STX8: variants seen among roughly 807,000 people sequenced by gnomAD.
The protein encoded by STX8 is syntaxin 8, also known as syntaxin-8.
STX8 carries 23 observed loss-of-function variants against 37.5 expected under a neutral mutation model. The ratio of observed to expected loss-of-function variants is 0.61; its 90% CI spans 0.44 to 0.87. The LOEUF (loss-of-function observed/expected upper bound fraction) is 0.87, where lower values mean the gene tolerates loss of function less well. Among genes scored for constraint, STX8 ranks in the 40% least tolerant of loss-of-function variants. The probability of loss-of-function intolerance (pLI) is 0.00; values close to 1 mark genes in which losing one functional copy is unlikely to be tolerated. For synonymous variants in STX8, 115 were observed against 99.1 expected (o/e 1.16, Z -0.95); for missense variants, 313 against 284.7 (o/e 1.10, Z -0.71).
intron 6 of STX8, among the ~76,000 whole-genome samples, chr17:9,465,424 A>G (rs965853626): frequency 2.0e-5 from 3 of 152,196 alleles, no homozygotes; most frequent in Non-Finnish European, 2.9e-5. Flanking sequence ...CATATGGAGC[A>G]ATCTCAGGAA....
intron 2 of STX8, among the ~76,000 whole-genome samples, chr17:9,557,754 G>C (rs1290760687): frequency 6.6e-6 from 1 of 152,152 alleles, no homozygotes; most frequent in Non-Finnish European, 1.5e-5. Context: ...TGGCCAAGTG[G>C]TGAGCCAAGC....
intron 7 of STX8, among the ~76,000 whole-genome samples, chr17:9,262,344 G>T (rs1907068543): frequency 1.3e-5 from 2 of 152,100 alleles, no homozygotes; most frequent in African/African-American, 4.8e-5. Context: ...CTTCTCCAGG[G>T]ATTTTGGATT....
intron 7 of STX8, among the ~76,000 whole-genome samples, chr17:9,293,004 T>C: frequency 6.6e-6 from 1 of 152,090 alleles, no homozygotes; most frequent in South Asian, 2.1e-4. Flanking sequence ...GAATATCCGG[T>C]ATCATCATGG....
chr17:9,573,482 G>T (rs1440036605), intron 1 of STX8, among the ~76,000 whole-genome samples: 1 of 152,098 alleles, frequency 6.6e-6, no homozygotes, highest in Non-Finnish European at 1.5e-5. Flanking sequence ...CTCCCTTCTG[G>T]ATTGAGCCAT....
At chr17:9,497,188 AC>A (rs1442264471) in intron 5 of STX8, among the ~76,000 whole-genome samples, 2 of 152,200 alleles carry the variant, frequency 1.3e-5, no homozygotes, top group African/African-American at 4.8e-5. Flanking sequence ...TGGAAAAAGA[AC>A]CTGTATATTA....
At chr17:9,496,498 T>C (rs1462960657) in intron 5 of STX8, among the ~76,000 whole-genome samples, 1 of 152,258 alleles carries the variant, frequency 6.6e-6, no homozygotes, top group East Asian at 1.9e-4. Context: ...TACCACACTC[T>C]ATCAGTCATT....
intron 7 of STX8, among the ~76,000 whole-genome samples, chr17:9,359,528 GAC>G (rs1195922402): frequency 1.6e-5 from 2 of 126,196 alleles, no homozygotes; most frequent in African/African-American, 6.6e-5. Flanking sequence ...TTTTTTTTGG[GAC>G]AGAGTCTTGC....
chr17:9,299,376 C>T (rs1908681177), intron 7 of STX8, among the ~76,000 whole-genome samples: 1 of 151,766 alleles, frequency 6.6e-6, no homozygotes. Flanking sequence ...GTATTTCAGC[C>T]ACAAAACCTC....
rs1008711086 is a variant in STX8 at position 9,526,536 on chromosome 17, C to T, written c.323+18636G>A. Among the ~76,000 whole-genome samples the T allele has an allele frequency of 2.6e-5, 4 of 151,924 alleles. No homozygotes were observed. In the East Asian group the frequency reaches 7.7e-4, roughly 29 times the overall value. Reference sequence around the variant, plus strand: ...TTTATTTTCAACAAACAAGAACAGGCTTTTTAATTTCTTAAAAATTTTTAC... The same window carrying T: ...TTTATTTTCAACAAACAAGAACAGGTTTTTTAATTTCTTAAAAATTTTTAC... On this transcript the variant is annotated intron_variant, in intron 4 of 7. Transcript: ENST00000306357.
intron 7 of STX8, among the ~76,000 whole-genome samples, chr17:9,359,661 C>T (rs796636997): frequency 1.3e-5 from 2 of 151,894 alleles, no homozygotes; most frequent in Non-Finnish European, 2.9e-5. Context: ...GCGCCGACCA[C>T]CATGCCCGGC....
intron 7 of STX8, among the ~76,000 whole-genome samples, chr17:9,374,219 C>T (rs1324476908): frequency 6.6e-6 from 1 of 151,766 alleles, no homozygotes; most frequent in Non-Finnish European, 1.5e-5. Flanking sequence ...GCAACTGGGA[C>T]TACAGGCGTG....
At chr17:9,385,948 ATTTTTAGTAGAGACG>A (rs1392103262) in intron 6 of STX8, among the ~76,000 whole-genome samples, 1 of 152,102 alleles carries the variant, frequency 6.6e-6, no homozygotes, top group Non-Finnish European at 1.5e-5. Context: ...TAATTTTTGA[ATTTTTAGTAGAGACG>A]GGGTTTCACC....
At chr17:9,560,204 C>A (rs1907169416) in intron 2 of STX8, among the ~76,000 whole-genome samples, 1 of 150,538 alleles carries the variant, frequency 6.6e-6, no homozygotes, top group African/African-American at 2.4e-5. Context: ...TCAAAACCAG[C>A]CTGGCCAACA....
chr17:9,304,496 C>T (rs548324058), intron 7 of STX8, among the ~76,000 whole-genome samples: 1 of 102,782 alleles, frequency 9.7e-6, no homozygotes, highest in African/African-American at 3.7e-5. Context: ...GCAACAAGAG[C>T]GAAACTGTCT....
chr17:9,462,329 TGG>T (rs1433312273), intron 6 of STX8, among the ~76,000 whole-genome samples: 1 of 152,174 alleles, frequency 6.6e-6, no homozygotes, highest in Admixed American at 6.5e-5. Context: ...ACTCACTTTG[TGG>T]CTTTATAAGT....
intron 7 of STX8, among the ~76,000 whole-genome samples, chr17:9,368,665 G>A (rs1597628263): frequency 6.6e-6 from 1 of 151,634 alleles, no homozygotes; most frequent in Non-Finnish European, 1.5e-5. Flanking sequence ...TTTTCTTTCC[G>A]TCCTCCCTCC....
intron 6 of STX8, among the ~76,000 whole-genome samples, chr17:9,475,920 C>T (rs1265337720): frequency 6.6e-6 from 1 of 152,218 alleles, no homozygotes; most frequent in East Asian, 1.9e-4. Flanking sequence ...GTGGCTCACG[C>T]CTGTCATCCC....
At position 9,506,407 on chromosome 17, in the gene STX8, T is replaced by TAC. The variant is rs1365525760; in HGVS notation, c.324-1246_324-1245insGT. ...TTAGAGTCAGCTGGTGCTCACCCGC[T>TAC]CCCCCCCCCCCCCACCCACCTTTCT... On this transcript the variant is annotated intron_variant, in intron 4 of 7. Coordinates refer to ENST00000306357, the MANE Select transcript of STX8 (RefSeq NM_004853.3). Among the ~76,000 whole-genome samples the TAC allele has an allele frequency of 2.8e-4, 11 of 39,360 alleles. No individual in the cohort carries two copies. In the East Asian group the frequency reaches 0.014, roughly 50 times the overall value. 25.8% of individuals were successfully genotyped at this position (39,360 alleles called of 152,430 possible).
chr17:9,562,853 T>TA (rs532314644), intron 2 of STX8, among the ~76,000 whole-genome samples: 2 of 150,072 alleles, frequency 1.3e-5, no homozygotes, highest in Non-Finnish European at 3.0e-5. Context: ...CACATCAGGT[T>TA]AAAAAAAAAA....
Sources: allele counts gnomAD v4.1 joint callset (sites outside exome capture counted in the v4.1 genomes callset), GRCh38; gene constraint gnomAD v4.1.1; transcripts MANE v1.5; gene names NCBI Gene and HGNC (gene_info 2026-07-23, HGNC 2026-07-21).